The following NUBP1 variants were observed in gnomAD, a reference collection of about 807,000 sequenced individuals.
NUBP1 encodes the protein NUBP iron-sulfur cluster assembly factor 1, cytosolic.
In NUBP1, 46 loss-of-function variants were observed where a neutral mutation model predicts 41.8. The observed-to-expected ratio is 1.10, with a 90% CI of 0.87 to 1.41. NUBP1 has a LOEUF of 1.41. Ranked by LOEUF, NUBP1 falls within the 40% of genes most tolerant of loss-of-function variation. The pLI, the probability that NUBP1 is intolerant of heterozygous loss-of-function variation, is 0.00. For synonymous variants in NUBP1, 189 were observed against 154.6 expected (o/e 1.22, Z -1.65); for missense variants, 494 against 414.0 (o/e 1.19, Z -1.68).
At chr16:10,751,920 C>T (rs9929391) in intron 3 of NUBP1, among the ~76,000 whole-genome samples, 9,709 of 152,216 alleles carry the variant, frequency 0.064, 1,088 homozygotes, top group African/African-American at 0.22. Flanking sequence ...TATGTCCCAG[C>T]TCTGTTCCCT....
chr16:10,757,814 A>T lies in NUBP1; in HGVS notation c.452-59A>T. 1 of 1,568,368 alleles carries T rather than the reference A, an allele frequency of 6.4e-7. No individual in the cohort carries two copies. On this transcript the variant is annotated intron_variant, in intron 6 of 10. Coordinates refer to ENST00000283027, the MANE Select transcript of NUBP1 (RefSeq NM_002484.4). This position sits in a 1 kb window ranked among gnomAD's most constrained non-coding sequence, Gnocchi z 4.1. The stretch of plus-strand genomic sequence containing the variant: ...CCCATCCTTTAAAAAAAAAAGAGGG[A>T]GTTGAAAGTACAGAAAAGAAAGGAA...
At position 10,767,647 on chromosome 16, in the gene NUBP1, T is replaced by A; in HGVS notation, c.821-302T>A. 1 of 427,116 alleles carries A rather than the reference T, an allele frequency of 2.3e-6. No homozygotes were observed. The highest frequency in any genetic ancestry group is 4.1e-6 in the Non-Finnish European group (1 of 241,802). 26.5% of individuals were successfully genotyped at this position (427,116 alleles called of 1,614,324 possible). A position where few individuals can be genotyped will look rare whatever the true frequency, so the allele number is the denominator to read the frequency against. On this transcript the variant is annotated intron_variant, in intron 9 of 10. Transcript: ENST00000283027. This position sits in a 1 kb window ranked among gnomAD's most constrained non-coding sequence, Gnocchi z 4.6. ...CATGATCCTTTCACTCAAAAGCTAA[T>A]CTCTTAAAATGCAGACTCCTGGGCC...
chr16:10,744,177 A>C (rs1899951085), intron 2 of NUBP1, 112 bp downstream of exon 2: 4 of 1,032,326 alleles, frequency 3.9e-6, no homozygotes, highest in East Asian at 6.2e-5. Context: ...GCAGGCTAGA[A>C]GGTATTGTAT....
chr16:10,761,615 AC>A, intron 8 of NUBP1, 141 bp downstream of exon 8: 3 of 971,514 alleles, frequency 3.1e-6, no homozygotes, highest in Admixed American at 2.6e-5. Context: ...CTTTCTGCTG[AC>A]TAAAGGAAAG....
rs1377446008 is a variant in NUBP1, at chr16:10,749,541, A to C, written c.258+2265A>C. ...TTATGCAGTGGTGGTTTAAAAAAAA[A>C]AGAAGTCAGCATTTAGGAAAGTGTG... On this transcript the variant is annotated intron_variant, in intron 3 of 10. Coordinates refer to ENST00000283027, the MANE Select transcript of NUBP1 (RefSeq NM_002484.4). The surrounding 1 kb of genome is among the most constrained non-coding windows in gnomAD (Gnocchi z 4.1). Among the ~76,000 whole-genome samples the C allele has an allele frequency of 2.0e-5, 3 of 152,210 alleles. No homozygotes were observed. Among genetic ancestry groups the C allele is most frequent in the African/African-American group, 4.8e-5 (2 of 41,442 alleles).
chr16:10,749,976 A>G lies in NUBP1; in HGVS notation c.259-2634A>G, dbSNP rs1239395071. 2.0e-5 allele frequency among the ~76,000 whole-genome samples: 3 copies of G among 152,212 alleles called. No individual in the cohort carries two copies. The highest frequency in any genetic ancestry group is 4.4e-5 in the Non-Finnish European group (3 of 68,032). ...AGAGTCATACACTGTCTTCCACTGC[A>G]AAAGTCACCGACTCCCAGCCTGGGC... is the stretch of plus-strand genomic sequence containing the variant. On this transcript the variant is annotated intron_variant, in intron 3 of 10. Coordinates refer to ENST00000283027, the MANE Select transcript of NUBP1 (RefSeq NM_002484.4). The surrounding 1 kb of genome is among the most constrained non-coding windows in gnomAD (Gnocchi z 4.1).
At chr16:10,747,057 G>C (rs978510554) in intron 2 of NUBP1, 86 bp from the exon 3 acceptor site, 1 of 1,509,886 alleles carries the variant, frequency 6.6e-7, no homozygotes, top group African/African-American at 1.4e-5. Flanking sequence ...CTAGGACTAG[G>C]ACTTAGCTCT....
At position 10,768,057 on chromosome 16, in the gene NUBP1, T is replaced by C. The variant is rs2233541; in HGVS notation, c.904+25T>C. On this transcript the variant is annotated intron_variant, in intron 10 of 10. Transcript: ENST00000283027. The surrounding 1 kb of genome is among the most constrained non-coding windows in gnomAD (Gnocchi z 4.3). ...AGTAAGTATTTCCATGAGTACTAAA[T>C]GCAGATGCCTGTGGGGCAGGAAGCA... 0.32 allele frequency: 510,271 copies of C among 1,605,276 alleles called. 83,447 individuals are homozygous for C. The highest frequency in any genetic ancestry group is 0.49 in the African/African-American group (36,900 of 74,712).
chr16:10,746,602 A>G (rs187674075), intron 2 of NUBP1, among the ~76,000 whole-genome samples: 1 of 152,260 alleles, frequency 6.6e-6, no homozygotes, highest in African/African-American at 2.4e-5. Flanking sequence ...TTAGCCAGGC[A>G]TGGTGGCAGG....
rs1011230830 is a variant in NUBP1 at position 10,762,135 on chromosome 16, G to T, written c.820+276G>T. The T allele has an allele frequency of 2.5e-4, 80 of 317,830 alleles. 1 individual carries two copies. In the East Asian group the frequency reaches 4.2e-3, roughly 17 times the overall value. 19.7% of individuals were successfully genotyped at this position (317,830 alleles called of 1,614,324 possible). ...GTTGGTGAGGGTGGTGGTGGCAGGG[G>T]ACTGAGGAGGGCACCCGATAGAGGG... On this transcript the variant is annotated intron_variant, in intron 9 of 10. Coordinates refer to ENST00000283027, the MANE Select transcript of NUBP1 (RefSeq NM_002484.4).
In NUBP1 at chr16:10,743,851, C is replaced by A; in HGVS notation, c.-13C>A. On this transcript the variant is annotated 5_prime_UTR_variant, in exon 1 of 11. Coordinates refer to ENST00000283027, the MANE Select transcript of NUBP1 (RefSeq NM_002484.4). ...CGGGTTCCGGTGACCACGAAGGCGG[C>A]AAAGGCGACGGAATGGAGGAGGTGC... 6.4e-7 allele frequency: 1 copy of A among 1,560,548 alleles called. No homozygotes were observed. Among genetic ancestry groups the A allele is most frequent in the South Asian group, 1.2e-5 (1 of 84,634 alleles).
intron 4 of NUBP1, among the ~76,000 whole-genome samples, chr16:10,754,214 G>GTTTTAT (rs1900448877): frequency 6.8e-6 from 1 of 145,986 alleles, no homozygotes; most frequent in African/African-American, 2.6e-5. Context: ...GTTTTGTGGG[G>GTTTTAT]TTTATTTTAT....
chr16:10,769,084 A>G lies in NUBP1; in HGVS notation c.942A>G (p.Glu314=), dbSNP rs748096118. 4.3e-6 allele frequency: 7 copies of G among 1,614,084 alleles called. No homozygotes were observed. In the East Asian group the frequency reaches 1.6e-4, roughly 36 times the overall value. ...QEFCNLHQSK[E]ENLISS ...TTTGTAATCTCCATCAGTCAAAAGA[A>G]GAGAACCTCATCAGTTCCTGAAACG... The change falls in exon 11 of 11, where the codon GAA becomes GAG. Residue 314 remains glutamate, a synonymous_variant. Transcript: ENST00000283027.
Position 10,759,522 on chromosome 16 carries a change from C to T in NUBP1, c.606+1495C>T, listed in dbSNP as rs558131936. On this transcript the variant is annotated intron_variant, in intron 7 of 10. Transcript: ENST00000283027. This position sits in a 1 kb window ranked among gnomAD's most constrained non-coding sequence, Gnocchi z 4.7. ...GGCACACTGGCTCATGTCTGTAATC[C>T]CAGCACTTTGGGAGGCCGAGGCAGG... 3.4e-3 allele frequency among the ~76,000 whole-genome samples: 515 copies of T among 152,264 alleles called. 1 individual carries two copies. Among genetic ancestry groups the T allele is most frequent in the Non-Finnish European group, 5.9e-3 (399 of 68,018 alleles).
chr16:10,756,079 G>C (rs188427042), intron 5 of NUBP1, among the ~76,000 whole-genome samples: 1 of 152,320 alleles, frequency 6.6e-6, no homozygotes, highest in Admixed American at 6.5e-5. Context: ...GTAAATCTCT[G>C]GTTAAGAGAG....
intron 7 of NUBP1, 125 bp from the exon 8 acceptor site, chr16:10,761,239 C>T: frequency 1.2e-6 from 1 of 800,688 alleles, no homozygotes; most frequent in Non-Finnish European, 2.0e-6. Context: ...CAAACCCTAT[C>T]AGGGCAGAAA....
In NUBP1 at chr16:10,754,233, A is replaced by ATTTTG. The variant is rs1222167463; in HGVS notation, c.328-1484_328-1483insGTTTT. ...TGTGGGGTTTATTTTATTTTATTTT[A>ATTTTG]TTTTATTTTATTTTATTTATTTTAT... On this transcript the variant is annotated intron_variant, in intron 4 of 10. Transcript: ENST00000283027. Among the ~76,000 whole-genome samples the ATTTTG allele has an allele frequency of 5.3e-5, 8 of 151,148 alleles. No individual in the cohort carries two copies. In the East Asian group the frequency reaches 7.8e-4, roughly 15 times the overall value.
intron 3 of NUBP1, among the ~76,000 whole-genome samples, chr16:10,751,659 T>C (rs1420133790): frequency 6.6e-6 from 1 of 152,166 alleles, no homozygotes; most frequent in Non-Finnish European, 1.5e-5. Context: ...ACCTCCTGTA[T>C]CAGAGGGGAA....
intron 7 of NUBP1, among the ~76,000 whole-genome samples, chr16:10,758,543 GT>G (rs562688843): frequency 2.0e-5 from 3 of 151,470 alleles, no homozygotes; most frequent in South Asian, 4.2e-4. Context: ...CAACGATTTG[GT>G]TTTTTTTTAG....
Sources: allele counts gnomAD v4.1 joint callset (sites outside exome capture counted in the v4.1 genomes callset), GRCh38; gene constraint gnomAD v4.1.1; non-coding constraint Gnocchi (gnomAD v3.1); transcripts MANE v1.5; gene names NCBI Gene and HGNC (gene_info 2026-07-23, HGNC 2026-07-21).